EPM2A: variants seen among roughly 807,000 people sequenced by gnomAD.
EPM2A encodes laforin.
Under a neutral mutation model 26.5 loss-of-function variants are expected in EPM2A, and 21 were observed. The ratio of observed to expected loss-of-function variants is 0.79; its 90% CI spans 0.56 to 1.14. The LOEUF (loss-of-function observed/expected upper bound fraction) is 1.14. Ranked by LOEUF, EPM2A falls within the 50% of genes most tolerant of loss-of-function variation. The pLI, the probability that EPM2A is intolerant of heterozygous loss-of-function variation, is 0.00. For synonymous variants in EPM2A, 217 were observed against 177.6 expected (o/e 1.22, Z -1.76); for missense variants, 458 against 440.8 (o/e 1.04, Z -0.35).
chr6:145,620,479 C>T (rs1306869484), downstream of EPM2A, among the ~76,000 whole-genome samples: 3 of 152,102 alleles, frequency 2.0e-5, no homozygotes. Flanking sequence ...CTGGTTTAGG[C>T]CTTATTTCCA....
rs1775510577 is a variant in EPM2A, at chr6:145,616,279, C to T, written c.340+18966G>A. On this transcript the variant is annotated intron_variant, in intron 2 of 3. Coordinates refer to the EPM2A transcript ENST00000450221. ...AGGCCATGGCTTCAGAGCGAGCAAG[C>T]CTCAAGCCTTGGCAGCTTCCACGTG... 2.0e-5 allele frequency among the ~76,000 whole-genome samples: 3 copies of T among 152,242 alleles called. No individual in the cohort carries two copies. In the South Asian group the frequency reaches 6.2e-4, roughly 32 times the overall value.
chr6:145,571,476 T>C (rs191391381), intron 2 of EPM2A, among the ~76,000 whole-genome samples: 13 of 152,310 alleles, frequency 8.5e-5, no homozygotes, highest in Admixed American at 5.9e-4. Context: ...TGTGAGTCCA[T>C]GGATGGTAGT....
chr6:145,507,198 G>C (rs1017976341), intron 2 of EPM2A, among the ~76,000 whole-genome samples: 3 of 152,092 alleles, frequency 2.0e-5, no homozygotes, highest in African/African-American at 7.2e-5. Context: ...TTTTTTAAAA[G>C]AAAGAAAACC....
Position 145,447,957 on chromosome 6 carries a change from G to A in EPM2A, c.555+54565C>T, listed in dbSNP as rs12197431. On this transcript the variant is annotated intron_variant, in intron 4 of 4. Coordinates refer to the EPM2A transcript ENST00000638717. ...AAAATTCTCAAAAGACATCAAACTG[G>A]TAGGACTTCTTATACTTGATAAACT... Among the ~76,000 whole-genome samples, 710 of 152,146 alleles carry A rather than the reference G, an allele frequency of 4.7e-3. 2 individuals are homozygous for A. The highest frequency in any genetic ancestry group is 7.3e-3 in the Non-Finnish European group (496 of 67,928).
Position 145,625,994 on chromosome 6 carries a change from T to C in EPM2A, c.*1422A>G. The C allele has an allele frequency of 3.5e-6, 4 of 1,154,992 alleles. No homozygotes were observed. Among genetic ancestry groups the C allele is most frequent in the Non-Finnish European group, 4.6e-6 (4 of 873,482 alleles). 71.5% of individuals were successfully genotyped at this position (1,154,992 alleles called of 1,614,324 possible). A position where few individuals can be genotyped will look rare whatever the true frequency, so the allele number is the denominator to read the frequency against. On this transcript the variant is annotated 3_prime_UTR_variant, in exon 4 of 4. Transcript: ENST00000367519. ...TTATTCATCATGTGACAATAGACAG[T>C]TGAGTTAACCCTTCTGACCTTAGTT...
At chr6:145,490,160 A>G (rs2114740782) in intron 4 of EPM2A, 1 of 1,052,622 alleles carries the variant, frequency 9.5e-7, no homozygotes, top group East Asian at 2.4e-5. Flanking sequence ...TACTGAAAGA[A>G]CTTCTTCCAT....
At chr6:145,422,849 A>C (rs1778806871) in intron 4 of EPM2A, among the ~76,000 whole-genome samples, 1 of 152,128 alleles carries the variant, frequency 6.6e-6, no homozygotes, top group South Asian at 2.1e-4. Context: ...AGTATCAATC[A>C]ATAAGGGTCC....
At chr6:145,637,089 A>G (rs1776745137) in intron 2 of EPM2A, 1 of 152,242 alleles carries the variant, frequency 6.6e-6, no homozygotes, top group Non-Finnish European at 1.5e-5. Flanking sequence ...AATACAATTA[A>G]TGTACCTGAA....
intron 2 of EPM2A, among the ~76,000 whole-genome samples, chr6:145,556,020 T>C (rs751672987): frequency 9.2e-5 from 14 of 152,208 alleles, no homozygotes; most frequent in South Asian, 2.1e-4. Context: ...TATGCATACA[T>C]AATCTATCTC....
At chr6:145,499,718 C>T (rs1285619304), downstream of EPM2A, among the ~76,000 whole-genome samples, 1 of 152,124 alleles carries the variant, frequency 6.6e-6, no homozygotes, top group African/African-American at 2.4e-5. Flanking sequence ...TCATACTCTA[C>T]CAATTTTATT....
At chr6:145,552,430 T>C (rs552296616) in intron 2 of EPM2A, among the ~76,000 whole-genome samples, 7 of 151,910 alleles carry the variant, frequency 4.6e-5, no homozygotes, top group Non-Finnish European at 8.8e-5. Flanking sequence ...AACCAGAAGA[T>C]TGCAAAAAAG....
chr6:145,452,530 G>A (rs1257505804), intron 4 of EPM2A, among the ~76,000 whole-genome samples: 1 of 143,250 alleles, frequency 7.0e-6, no homozygotes, highest in Non-Finnish European at 1.5e-5. Flanking sequence ...AAAATAGCCG[G>A]GCGTTGTGGC....
At chr6:145,448,829 ATAATC>A (rs1779156719) in intron 4 of EPM2A, among the ~76,000 whole-genome samples, 2 of 152,216 alleles carry the variant, frequency 1.3e-5, no homozygotes, top group Non-Finnish European at 2.9e-5. Flanking sequence ...TAAATAAAAA[ATAATC>A]TAAACAAAGT....
intron 4 of EPM2A, among the ~76,000 whole-genome samples, chr6:145,387,555 C>T (rs1017293982): frequency 3.9e-5 from 6 of 152,056 alleles, no homozygotes; most frequent in Admixed American, 1.3e-4. Context: ...AACCCGATGT[C>T]TTGGTTCTTT....
chr6:145,631,149 G>A lies in EPM2A; in HGVS notation c.719-3456C>T, dbSNP rs1276021538. On this transcript the variant is annotated intron_variant, in intron 3 of 3. Coordinates refer to ENST00000367519, the MANE Select transcript of EPM2A (RefSeq NM_005670.4). ...CCACCCTAGAGGAGCCCTCTCAAGA[G>A]GACCATGTCTCTCTGCTTGAAACCC... The A allele has an allele frequency of 2.0e-5, 3 of 151,796 alleles. No homozygotes were observed. The East Asian group carries it at 5.9e-4, about 30-fold the overall frequency. The allele number at this position is 151,796 out of a possible 1,614,324, so 9.4% of individuals were successfully genotyped here. A position where few individuals can be genotyped will look rare whatever the true frequency, so the allele number is the denominator to read the frequency against.
Position 145,655,613 on chromosome 6 carries a change from C to T in EPM2A, c.477-20127G>A, listed in dbSNP as rs6909417. On this transcript the variant is annotated intron_variant, in intron 2 of 3. Transcript: ENST00000367519. ...ATTTAATATGAAAAGGGCCAAAATT[C>T]ATGAGAAATATGGTACCTGAAGAGG... 2.6e-3 allele frequency among the ~76,000 whole-genome samples: 395 copies of T among 152,160 alleles called. 1 individual carries two copies. The highest frequency in any genetic ancestry group is 7.6e-3 in the African/African-American group (316 of 41,522).
At chr6:145,631,621 T>G (rs1776258414) in intron 3 of EPM2A, 1 of 152,146 alleles carries the variant, frequency 6.6e-6, no homozygotes, top group Non-Finnish European at 1.5e-5. Context: ...GCCTAACCTG[T>G]GGTTCACACC....
At chr6:145,494,631 A>G (rs1779795019) in intron 4 of EPM2A, among the ~76,000 whole-genome samples, 1 of 152,166 alleles carries the variant, frequency 6.6e-6, no homozygotes, top group Non-Finnish European at 1.5e-5. Context: ...TAGTCCTATA[A>G]ATTTCCCTCC....
intron 4 of EPM2A, among the ~76,000 whole-genome samples, chr6:145,464,270 C>T (rs1323656771): frequency 6.6e-6 from 1 of 152,136 alleles, no homozygotes. Flanking sequence ...GCTTCCCCTT[C>T]TGCCATGATT....
Sources: allele counts gnomAD v4.1 joint callset (sites outside exome capture counted in the v4.1 genomes callset), GRCh38; gene constraint gnomAD v4.1.1; transcripts MANE v1.5; gene names NCBI Gene and HGNC (gene_info 2026-07-23, HGNC 2026-07-21).